MTCL2: variants seen among roughly 807,000 people sequenced by gnomAD.
MTCL2 encodes microtubule cross-linking factor 2.
At chr20:36,781,675 CT>C in the MTCL2 span, 4 of 151,210 alleles carry the variant, frequency 2.6e-5, no homozygotes, top group East Asian at 1.9e-4. Context: ...GGGAGACCCC[CT>C]GTCTCTAAAA....
the MTCL2 span, among the ~76,000 whole-genome samples, chr20:36,861,559 A>C: frequency 8.4e-6 from 1 of 119,382 alleles, no homozygotes; most frequent in Non-Finnish European, 1.9e-5. Context: ...TTAAAACCTA[A>C]GTGCTGAGGG....
the MTCL2 span, chr20:36,794,770 T>A: frequency 2.5e-5 from 6 of 240,502 alleles, no homozygotes; most frequent in East Asian, 1.2e-4. The surrounding 1 kb of genome is among the most constrained non-coding windows in gnomAD (Gnocchi z 5.4). Context: ...CTGCATTTTC[T>A]TTTTTTTTTT....
the MTCL2 span, chr20:36,804,713 G>T: frequency 6.2e-7 from 1 of 1,608,374 alleles, no homozygotes; most frequent in South Asian, 1.1e-5. Flanking sequence ...GGGGAGAGGC[G>T]TCTGACAGGT....
chr20:36,813,770 A>T, the MTCL2 span, among the ~76,000 whole-genome samples: 1 of 150,582 alleles, frequency 6.6e-6, no homozygotes, highest in African/African-American at 2.4e-5. Context: ...AAAAAAAAAA[A>T]AAAAAAGATA....
chr20:36,803,580 G>A, the MTCL2 span, among the ~76,000 whole-genome samples: 1 of 152,026 alleles, frequency 6.6e-6, no homozygotes, highest in Non-Finnish European at 1.5e-5. Flanking sequence ...CAGATGGAGG[G>A]AGCTGTGAGA....
the MTCL2 span, chr20:36,816,379 G>GGGGAGCACTATGTGCT: frequency 7.5e-7 from 1 of 1,330,596 alleles, no homozygotes; most frequent in Admixed American, 2.2e-5. Flanking sequence ...ATGGCATTTT[G>GGGGAGCACTATGTGCT]GGGAGCACTA....
the MTCL2 span, among the ~76,000 whole-genome samples, chr20:36,833,319 A>G: frequency 1.3e-5 from 2 of 152,246 alleles, no homozygotes; most frequent in Non-Finnish European, 2.9e-5. Flanking sequence ...CCCTCAAGGT[A>G]GGGGGGCTGA....
At chr20:36,777,968 C>T in the MTCL2 span, 132 of 555,950 alleles carry the variant, frequency 2.4e-4, 1 homozygote, top group Middle Eastern at 2.3e-3. Context: ...TTTGAAGAGG[C>T]GCTATCTGGC....
the MTCL2 span, chr20:36,793,460 C>T: frequency 6.4e-7 from 1 of 1,551,148 alleles, no homozygotes; most frequent in Non-Finnish European, 8.7e-7. This position sits in a 1 kb window ranked among gnomAD's most constrained non-coding sequence, Gnocchi z 6.8. Context: ...TGAGGTGGGG[C>T]TCGGTGCCCG....
At chr20:36,838,459 G>C in the MTCL2 span, among the ~76,000 whole-genome samples, 2 of 152,110 alleles carry the variant, frequency 1.3e-5, no homozygotes, top group Non-Finnish European at 2.9e-5. Context: ...GCCAGGTGTG[G>C]TGGTGTGTGC....
the MTCL2 span, among the ~76,000 whole-genome samples, chr20:36,821,772 C>T: frequency 6.6e-6 from 1 of 152,114 alleles, no homozygotes; most frequent in Non-Finnish European, 1.5e-5. Context: ...TATATGTATA[C>T]ATAGAAAAAC....
chr20:36,829,592 A>G, the MTCL2 span, among the ~76,000 whole-genome samples: 5 of 137,438 alleles, frequency 3.6e-5, no homozygotes, highest in Non-Finnish European at 7.5e-5. Flanking sequence ...ATCATGTCTC[A>G]CTGCAGGCTT....
At chr20:36,804,612 C>T in the MTCL2 span, 3 of 1,324,408 alleles carry the variant, frequency 2.3e-6, no homozygotes, top group Admixed American at 2.1e-5. Context: ...CTCTGGGCCA[C>T]AGGTGAAGCA....
At chr20:36,842,869 G>A in the MTCL2 span, among the ~76,000 whole-genome samples, 1 of 152,222 alleles carries the variant, frequency 6.6e-6, no homozygotes, top group African/African-American at 2.4e-5. Flanking sequence ...TGGCAGTGAT[G>A]GAAGCAGGGG....
chr20:36,794,625 C>T, the MTCL2 span: 116 of 1,613,880 alleles, frequency 7.2e-5, no homozygotes, highest in Middle Eastern at 2.8e-3. This position sits in a 1 kb window ranked among gnomAD's most constrained non-coding sequence, Gnocchi z 5.4. Flanking sequence ...GAGGAAACGT[C>T]GTTATTAGTG....
At chr20:36,795,135 C>T in the MTCL2 span, among the ~76,000 whole-genome samples, 982 of 152,152 alleles carry the variant, frequency 6.5e-3, 12 homozygotes, top group African/African-American at 0.022. Flanking sequence ...GACGGGGTTT[C>T]ACCATGTTGG....
chr20:36,859,625 T>C, the MTCL2 span: 2 of 1,231,626 alleles, frequency 1.6e-6, no homozygotes, highest in Non-Finnish European at 2.0e-6. Context: ...GTTGCCCGAT[T>C]TATGCTTTCC....
the MTCL2 span, among the ~76,000 whole-genome samples, chr20:36,809,007 A>AC: frequency 2.6e-5 from 4 of 152,230 alleles, no homozygotes; most frequent in Non-Finnish European, 5.9e-5. Flanking sequence ...CCTCCTGGGC[A>AC]CCAAATGTCT....
chr20:36,816,387 C>CT, the MTCL2 span: 4 of 1,263,906 alleles, frequency 3.2e-6, no homozygotes, highest in Non-Finnish European at 4.4e-6. Flanking sequence ...TTGGGGAGCA[C>CT]TATGTGCTGG....
Sources: allele counts gnomAD v4.1 joint callset (sites outside exome capture counted in the v4.1 genomes callset), GRCh38; gene constraint gnomAD v4.1.1; non-coding constraint Gnocchi (gnomAD v3.1); transcripts MANE v1.5; gene names NCBI Gene and HGNC (gene_info 2026-07-23, HGNC 2026-07-21).